The following GPD2 variants were observed in gnomAD, a reference collection of about 807,000 sequenced individuals.
GPD2 encodes glycerol-3-phosphate dehydrogenase, mitochondrial.
GPD2 carries 54 observed loss-of-function variants against 82.4 expected under a neutral mutation model. That is an observed-to-expected ratio of 0.66 (90% confidence interval 0.53 to 0.82). GPD2 has a LOEUF of 0.82. Among genes scored for constraint, GPD2 ranks in the 40% least tolerant of loss-of-function variants. GPD2 has a pLI of 0.00. For missense variants in GPD2, 748 were observed against 896.2 expected, an observed-to-expected ratio of 0.83 and a Z score of 2.11; for synonymous variants, 288 against 306.1, an observed-to-expected ratio of 0.94 and a Z score of 0.62.
chr2:156,415,232 C>T, the GPD2 span, among the ~76,000 whole-genome samples: 1 of 146,312 alleles, frequency 6.8e-6, no homozygotes, highest in Non-Finnish European at 1.5e-5. Flanking sequence ...GAACTCTGCT[C>T]ACTGCAAGCT....
At chr2:156,550,303 A>G (rs1686708116) in intron 7 of GPD2, among the ~76,000 whole-genome samples, 1 of 152,194 alleles carries the variant, frequency 6.6e-6, no homozygotes, top group African/African-American at 2.4e-5. Flanking sequence ...AAAGCGGCTT[A>G]TTTACTCATT....
At chr2:156,550,454 T>C (rs572149508) in intron 7 of GPD2, 148 bp from the exon 8 acceptor site, 7 of 790,958 alleles carry the variant, frequency 8.9e-6, no homozygotes, top group African/African-American at 8.5e-5. Flanking sequence ...TTTGTTTGGC[T>C]CTTCAATAAC....
intron 3 of GPD2, among the ~76,000 whole-genome samples, chr2:156,499,135 T>C (rs1684494838): frequency 6.6e-6 from 1 of 152,154 alleles, no homozygotes; most frequent in Admixed American, 6.6e-5. Flanking sequence ...CTTAAACAAA[T>C]ACGAGGTGAG....
intron 2 of GPD2, among the ~76,000 whole-genome samples, chr2:156,482,897 C>T (rs889931892): frequency 4.6e-5 from 7 of 151,900 alleles, no homozygotes; most frequent in African/African-American, 1.7e-4. Flanking sequence ...CAGCAAAACC[C>T]AGGAGGAAAA....
At chr2:156,438,216 G>A (rs1339820502) in intron 1 of GPD2, among the ~76,000 whole-genome samples, 5 of 152,126 alleles carry the variant, frequency 3.3e-5, no homozygotes, top group South Asian at 2.1e-4. Flanking sequence ...GTTGTGGAGC[G>A]GGGAGCCAAA....
At chr2:156,557,297 T>C (rs1686998418) in intron 8 of GPD2, 92 bp from the exon 9 acceptor site, 2 of 822,364 alleles carry the variant, frequency 2.4e-6, no homozygotes, top group Admixed American at 4.0e-5. Context: ...GTTTGCATAT[T>C]TGAGAATTAA....
chr2:156,444,660 C>T (rs1259028864), intron 1 of GPD2, among the ~76,000 whole-genome samples: 10 of 151,938 alleles, frequency 6.6e-5, no homozygotes, highest in South Asian at 2.1e-4. Context: ...TTGCAGTGAG[C>T]GGAGACCACG....
At position 156,583,191 on chromosome 2, in the gene GPD2, T is replaced by C; in HGVS notation, c.*273T>C. 1 of 414,684 alleles carries C rather than the reference T, an allele frequency of 2.4e-6. No individual in the cohort carries two copies. Among genetic ancestry groups the C allele is most frequent in the Non-Finnish European group, 4.5e-6 (1 of 220,730 alleles). The allele number at this position is 414,684 out of a possible 1,614,324, so 25.7% of individuals were successfully genotyped here. On this transcript the variant is annotated 3_prime_UTR_variant, in exon 17 of 17. Coordinates refer to ENST00000438166, the MANE Select transcript of GPD2 (RefSeq NM_000408.5). Reference sequence around the variant, plus strand: ...GTTTTGCATCTGTTTTGTGACCTGTTAGATGTGACACATTCTCTTTTTGTT... The same window carrying C: ...GTTTTGCATCTGTTTTGTGACCTGTCAGATGTGACACATTCTCTTTTTGTT...
intron 1 of GPD2, among the ~76,000 whole-genome samples, chr2:156,458,637 G>A (rs114503666): frequency 2.0e-4 from 31 of 152,154 alleles, no homozygotes; most frequent in African/African-American, 7.0e-4. Flanking sequence ...TTCTATATGG[G>A]TCTTTTACTG....
In GPD2 at chr2:156,477,663, A is replaced by G. The variant is rs193019226; in HGVS notation, c.102+1456A>G. ...GTATGTTGCAGTTTTTATTTTTTGA[A>G]TTGACACATAATCATTATACATATT... On this transcript the variant is annotated intron_variant, in intron 2 of 16. Transcript: ENST00000438166. Among the ~76,000 whole-genome samples the G allele has an allele frequency of 1.8e-3, 269 of 152,318 alleles. 1 individual carries two copies. The highest frequency in any genetic ancestry group is 3.7e-3 in the South Asian group (18 of 4,826).
At chr2:156,537,713 GT>G (rs1378073685) in intron 6 of GPD2, among the ~76,000 whole-genome samples, 14 of 152,178 alleles carry the variant, frequency 9.2e-5, no homozygotes, top group Non-Finnish European at 1.6e-4. Flanking sequence ...CATTAAAACT[GT>G]TTTGGTGAAA....
chr2:156,530,532 G>A (rs1349288085), intron 6 of GPD2, among the ~76,000 whole-genome samples: 2 of 150,212 alleles, frequency 1.3e-5, no homozygotes, highest in Non-Finnish European at 3.0e-5. Flanking sequence ...AATGCTTCCA[G>A]TTTTTGCCCA....
chr2:156,467,249 A>G (rs1251518355), intron 1 of GPD2, among the ~76,000 whole-genome samples: 1 of 152,204 alleles, frequency 6.6e-6, no homozygotes, highest in Non-Finnish European at 1.5e-5. Context: ...TCTTGGAAGC[A>G]GGCTGGCCTT....
chr2:156,512,178 A>G (rs777507245), intron 4 of GPD2, 42 bp from the exon 5 acceptor site: 1 of 935,020 alleles, frequency 1.1e-6, no homozygotes, highest in East Asian at 2.4e-5. Flanking sequence ...AAATATTATG[A>G]TCTGTTACTG....
chr2:156,449,218 G>T (rs2169504), intron 1 of GPD2, among the ~76,000 whole-genome samples: 9 of 151,766 alleles, frequency 5.9e-5, no homozygotes, highest in Non-Finnish European at 1.0e-4. Context: ...ATATGTTGTG[G>T]GCGTCATTAT....
chr2:156,555,294 A>G (rs1686920799), intron 8 of GPD2, among the ~76,000 whole-genome samples: 1 of 152,186 alleles, frequency 6.6e-6, no homozygotes, highest in Admixed American at 6.5e-5. Flanking sequence ...TGTGTTGGTA[A>G]CCATCATGTT....
chr2:156,492,966 G>T (rs1684238361), intron 2 of GPD2, among the ~76,000 whole-genome samples: 2 of 152,218 alleles, frequency 1.3e-5, no homozygotes, highest in African/African-American at 4.8e-5. Context: ...CAAGTAGGCA[G>T]TGTGAGATCT....
intron 1 of GPD2, among the ~76,000 whole-genome samples, chr2:156,439,613 T>C (rs1161364817): frequency 7.3e-6 from 1 of 137,018 alleles, no homozygotes; most frequent in Non-Finnish European, 1.5e-5. Context: ...CTGGGAGGCC[T>C]AGGCAGGCGG....
the GPD2 span, among the ~76,000 whole-genome samples, chr2:156,428,057 G>T: frequency 3.3e-5 from 5 of 152,056 alleles, no homozygotes; most frequent in African/African-American, 1.2e-4. Flanking sequence ...TCCATTTCAG[G>T]ATACTTAATC....
Sources: gnomAD v4.1 joint callset for allele counts (sites outside exome capture counted in the v4.1 genomes callset) on GRCh38, gnomAD v4.1.1 for gene constraint, MANE v1.5 for transcripts, NCBI Gene and HGNC (gene_info 2026-07-23, HGNC 2026-07-21) for gene names.